Variants in MALRD1 observed in about 807,000 individuals in gnomAD.
The protein encoded by MALRD1 is MAM and LDL-receptor class A domain-containing protein 1.
A neutral mutation model predicts 242.1 loss-of-function variants in MALRD1; 247 were observed. That is an observed-to-expected ratio of 1.02 (90% confidence interval 0.92 to 1.13). The LOEUF (loss-of-function observed/expected upper bound fraction) is 1.13, where lower values mean the gene tolerates loss of function less well. Ranked by LOEUF, MALRD1 falls within the 50% of genes most tolerant of loss-of-function variation. MALRD1 has a pLI of 0.00. For missense variants in MALRD1, 2,989 were observed against 2,533.1 expected (o/e 1.18, Z -3.86); for synonymous variants, 995 against 866.6 (o/e 1.15, Z -2.60).
At chr10:19,542,255 ATAAAAACCATTTAATATACTTGAAGC>A (rs1835004303) in intron 32 of MALRD1, among the ~76,000 whole-genome samples, 2 of 152,174 alleles carry the variant, frequency 1.3e-5, no homozygotes, top group African/African-American at 4.8e-5. Context: ...TTATTTCTTT[ATAAAAACCATTTAATATACTTGAAGC>A]TCAAGTAACT....
chr10:19,346,647 T>C (rs1341259066), intron 24 of MALRD1, among the ~76,000 whole-genome samples: 1 of 152,064 alleles, frequency 6.6e-6, no homozygotes, highest in Non-Finnish European at 1.5e-5. Flanking sequence ...TACTCACTCA[T>C]TGGTTTTTTG....
intron 32 of MALRD1, among the ~76,000 whole-genome samples, chr10:19,557,431 T>C (rs917806966): frequency 3.3e-5 from 5 of 152,142 alleles, no homozygotes; most frequent in Non-Finnish European, 7.4e-5. Flanking sequence ...GACTTTTAAT[T>C]CAATGAATAA....
At chr10:19,148,785 A>AT (rs1564423507) in intron 11 of MALRD1, among the ~76,000 whole-genome samples, 3,749 of 79,386 alleles carry the variant, frequency 0.047, 102 homozygotes, top group African/African-American at 0.11. Flanking sequence ...AAAAAAAAAA[A>AT]AAAATATATA....
intron 14 of MALRD1, among the ~76,000 whole-genome samples, chr10:19,176,820 CTG>C (rs983267370): frequency 1.4e-4 from 18 of 130,338 alleles, no homozygotes; most frequent in South Asian, 2.3e-4. Context: ...GCCTGTGTGT[CTG>C]TGTGTGTGTG....
intron 29 of MALRD1, among the ~76,000 whole-genome samples, chr10:19,450,780 A>T (rs924277670): frequency 2.0e-5 from 3 of 152,166 alleles, no homozygotes; most frequent in African/African-American, 7.2e-5. Context: ...CAAGACAGGC[A>T]GATTTGGTAT....
intron 28 of MALRD1, among the ~76,000 whole-genome samples, chr10:19,398,282 G>C (rs1364241215): frequency 6.6e-6 from 1 of 152,100 alleles, no homozygotes; most frequent in African/African-American, 2.4e-5. Context: ...TCTTCTGGTA[G>C]TTTTATAGCA....
chr10:19,332,872 A>C (rs2130926702), intron 24 of MALRD1, among the ~76,000 whole-genome samples: 1 of 152,252 alleles, frequency 6.6e-6, no homozygotes, highest in East Asian at 1.9e-4. Flanking sequence ...CTAGAACACA[A>C]GTATTTTATT....
intron 33 of MALRD1, among the ~76,000 whole-genome samples, chr10:19,580,090 G>A (rs7094890): frequency 6.6e-6 from 1 of 152,022 alleles, no homozygotes; most frequent in Admixed American, 6.5e-5. Flanking sequence ...ATCCACAGGG[G>A]ACCTTCTGGG....
chr10:19,544,289 G>A (rs550906710), intron 32 of MALRD1, among the ~76,000 whole-genome samples: 10 of 152,138 alleles, frequency 6.6e-5, no homozygotes, highest in Middle Eastern at 3.4e-3. Flanking sequence ...CTGGGCTCAG[G>A]CGATTCTCCT....
intron 32 of MALRD1, among the ~76,000 whole-genome samples, chr10:19,552,028 C>G (rs1318434657): frequency 1.3e-5 from 2 of 152,070 alleles, no homozygotes; most frequent in African/African-American, 2.4e-5. Context: ...TCATGTTCAT[C>G]AAAGATATTG....
rs12252961 is a variant in MALRD1 at position 19,166,098 on chromosome 10, A to G, written c.1830+288A>G. 5.6e-3 allele frequency among the ~76,000 whole-genome samples: 856 copies of G among 152,366 alleles called. 7 individuals carry two copies. The highest frequency in any genetic ancestry group is 0.019 in the African/African-American group (798 of 41,586). ...TTGACTATGCACTTAAGACATGTGT[A>G]GAATAGTAGCAAAAATGGAGATAAG... On this transcript the variant is annotated intron_variant, in intron 13 of 39. Transcript: ENST00000454679.
At chr10:19,292,496 C>T (rs1841490475) in intron 21 of MALRD1, among the ~76,000 whole-genome samples, 1 of 152,084 alleles carries the variant, frequency 6.6e-6, no homozygotes, top group Non-Finnish European at 1.5e-5. Flanking sequence ...CGTTATCTTT[C>T]AGTTGGAAAT....
intron 5 of MALRD1, among the ~76,000 whole-genome samples, chr10:19,120,825 A>G (rs1837032941): frequency 6.6e-6 from 1 of 152,070 alleles, no homozygotes; most frequent in African/African-American, 2.4e-5. Flanking sequence ...GTTCACTGCA[A>G]CCCTGCCTCC....
Position 19,288,664 on chromosome 10 carries a change from G to A in MALRD1, c.3419+5483G>A, listed in dbSNP as rs776236782. On this transcript the variant is annotated intron_variant, in intron 21 of 39. Transcript: ENST00000454679. The stretch of plus-strand genomic sequence containing the variant: ...TCTTTCCCCTGTTTTGTAGTCCACA[G>A]TTCTGTTGTGTGCCCAAGTCCTGCG... 3.3e-5 allele frequency among the ~76,000 whole-genome samples: 5 copies of A among 152,182 alleles called. No homozygotes were observed. The East Asian group carries it at 9.7e-4, about 29-fold the overall frequency.
At chr10:19,645,223 G>A (rs1840594047) in intron 36 of MALRD1, among the ~76,000 whole-genome samples, 1 of 152,036 alleles carries the variant, frequency 6.6e-6, no homozygotes, top group South Asian at 2.1e-4. Context: ...AAAAAGTCAG[G>A]AACAACAGGT....
intron 31 of MALRD1, among the ~76,000 whole-genome samples, chr10:19,505,295 A>T (rs956137727): frequency 6.6e-6 from 1 of 152,318 alleles, no homozygotes; most frequent in African/African-American, 2.4e-5. Flanking sequence ...TCCTAGGTTG[A>T]AGTGCTAATC....
intron 12 of MALRD1, among the ~76,000 whole-genome samples, chr10:19,162,354 C>T (rs1042761491): frequency 3.9e-5 from 6 of 152,138 alleles, no homozygotes; most frequent in Non-Finnish European, 8.8e-5. Flanking sequence ...CATTTACTGA[C>T]AGTCTACTCA....
At chr10:19,214,999 A>G (rs933545044) in intron 18 of MALRD1, among the ~76,000 whole-genome samples, 2 of 152,214 alleles carry the variant, frequency 1.3e-5, no homozygotes, top group Non-Finnish European at 2.9e-5. Flanking sequence ...CACAAAGTCA[A>G]CAAGCAAAAT....
chr10:19,263,911 A>G (rs994729253), intron 19 of MALRD1, among the ~76,000 whole-genome samples: 15 of 152,068 alleles, frequency 9.9e-5, no homozygotes, highest in African/African-American at 3.1e-4. Context: ...TGCTTTAGCT[A>G]TTTGGAATCT....
Sources: gnomAD v4.1 joint callset for allele counts (sites outside exome capture counted in the v4.1 genomes callset) on GRCh38, gnomAD v4.1.1 for gene constraint, MANE v1.5 for transcripts, NCBI Gene and HGNC (gene_info 2026-07-23, HGNC 2026-07-21) for gene names.